ATXN7L1: variants seen among roughly 807,000 people sequenced by gnomAD.
ATXN7L1 encodes ataxin-7-like protein 1.
Under a neutral mutation model 70.8 loss-of-function variants are expected in ATXN7L1, and 15 were observed. The ratio of observed to expected loss-of-function variants is 0.21; its 90% CI spans 0.14 to 0.33. The LOEUF (loss-of-function observed/expected upper bound fraction) is 0.33. Among genes scored for constraint, ATXN7L1 ranks in the 10% least tolerant of loss-of-function variants. The pLI is 1.00. For missense variants in ATXN7L1, 975 were observed against 1,097.1 expected (o/e 0.89, Z 1.57); for synonymous variants, 440 against 445.1 (o/e 0.99, Z 0.14).
intron 10 of ATXN7L1, among the ~76,000 whole-genome samples, chr7:105,612,655 C>T (rs1213026584): frequency 6.6e-6 from 1 of 152,158 alleles, no homozygotes; most frequent in African/African-American, 2.4e-5. Flanking sequence ...GAACAGTGCC[C>T]TCAGCTCGAG....
At chr7:105,874,066 A>G (rs1388921659) in intron 2 of ATXN7L1, among the ~76,000 whole-genome samples, 1 of 149,094 alleles carries the variant, frequency 6.7e-6, no homozygotes, top group East Asian at 2.0e-4. Flanking sequence ...CGGAGGTTGC[A>G]GTGAGCCAAG....
chr7:105,684,440 C>G (rs1006995040), intron 3 of ATXN7L1, among the ~76,000 whole-genome samples: 1 of 152,202 alleles, frequency 6.6e-6, no homozygotes, highest in African/African-American at 2.4e-5. Flanking sequence ...TGGGGTCTGA[C>G]CAGCTCCTAC....
At chr7:105,812,101 C>T (rs1465067113) in intron 2 of ATXN7L1, among the ~76,000 whole-genome samples, 1 of 152,208 alleles carries the variant, frequency 6.6e-6, no homozygotes, top group Non-Finnish European at 1.5e-5. Context: ...TCTCAAGCCC[C>T]CCTGGATGCT....
At chr7:105,763,489 G>T (rs528927373) in intron 3 of ATXN7L1, among the ~76,000 whole-genome samples, 1 of 152,206 alleles carries the variant, frequency 6.6e-6, no homozygotes, top group Non-Finnish European at 1.5e-5. Flanking sequence ...GCTGCCTCTT[G>T]TTTTTAAACC....
chr7:105,843,449 A>G (rs1467293833), intron 2 of ATXN7L1, among the ~76,000 whole-genome samples: 1 of 152,258 alleles, frequency 6.6e-6, no homozygotes, highest in Non-Finnish European at 1.5e-5. Context: ...AAGTGAGCGG[A>G]TGGCCCCAAA....
At chr7:105,641,594 C>T (rs536876496) in intron 5 of ATXN7L1, among the ~76,000 whole-genome samples, 4 of 152,382 alleles carry the variant, frequency 2.6e-5, no homozygotes, top group African/African-American at 7.2e-5. Context: ...GAGGAGCCCT[C>T]GGCCTCCAGC....
intron 3 of ATXN7L1, among the ~76,000 whole-genome samples, chr7:105,703,990 T>C (rs1456809842): frequency 6.6e-6 from 1 of 152,164 alleles, no homozygotes; most frequent in Non-Finnish European, 1.5e-5. Flanking sequence ...TTCATTCACA[T>C]GGTATTCACA....
chr7:105,857,687 T>C (rs928640167), intron 2 of ATXN7L1, among the ~76,000 whole-genome samples: 2 of 152,212 alleles, frequency 1.3e-5, no homozygotes, highest in Non-Finnish European at 2.9e-5. Context: ...AGAGGGTCAC[T>C]TGACTGTGTG....
intron 3 of ATXN7L1, 42 bp downstream of exon 3, chr7:105,788,562 C>T (rs748829901): frequency 3.7e-5 from 55 of 1,487,240 alleles, no homozygotes; most frequent in South Asian, 9.0e-5. Flanking sequence ...GTCCCCAGGG[C>T]GGCAGCTGCA....
At position 105,644,202 on chromosome 7, in the gene ATXN7L1, G is replaced by A. The variant is rs191630361; in HGVS notation, c.579-1081C>T. Among the ~76,000 whole-genome samples the A allele has an allele frequency of 4.6e-5, 7 of 152,266 alleles. No homozygotes were observed. In the East Asian group the frequency reaches 1.4e-3, roughly 29 times the overall value. On this transcript the variant is annotated intron_variant, in intron 4 of 11. Transcript: ENST00000419735. ...GAAAAGAATCTTATCTGTCCACATG[G>A]CTGGCTGGCTGGCTCTCCTTTCTCT...
intron 11 of ATXN7L1, among the ~76,000 whole-genome samples, chr7:105,608,959 GGTCCTCCCTA>G (rs927518565): frequency 2.0e-5 from 3 of 151,918 alleles, no homozygotes; most frequent in African/African-American, 7.3e-5. Context: ...AATCCTTCCT[GGTCCTCCCTA>G]GACACATATG....
chr7:105,638,314 C>G (rs977469520), intron 7 of ATXN7L1, 39 bp downstream of exon 7: 21 of 1,527,378 alleles, frequency 1.4e-5, no homozygotes, highest in Admixed American at 2.0e-5. Context: ...AGTCACTTGA[C>G]CAAGCATTCA....
At chr7:105,813,013 A>AAAACC (rs1190100903) in intron 2 of ATXN7L1, among the ~76,000 whole-genome samples, 13 of 152,282 alleles carry the variant, frequency 8.5e-5, no homozygotes, top group East Asian at 5.8e-4. Context: ...AAAACAAGAC[A>AAAACC]AAACCAAACC....
At chr7:105,613,471 C>T in intron 10 of ATXN7L1, 1 of 1,090,708 alleles carries the variant, frequency 9.2e-7, no homozygotes, top group South Asian at 2.8e-5. Context: ...CAGATCAAAC[C>T]TCTTAGCAAC....
chr7:105,734,404 C>A (rs1458183838), intron 3 of ATXN7L1, among the ~76,000 whole-genome samples: 1 of 152,240 alleles, frequency 6.6e-6, no homozygotes, highest in Non-Finnish European at 1.5e-5. Context: ...GCAGCTGCTG[C>A]AGCTGGCGAG....
At chr7:105,807,176 T>G (rs1807740266) in intron 2 of ATXN7L1, among the ~76,000 whole-genome samples, 1 of 152,180 alleles carries the variant, frequency 6.6e-6, no homozygotes, top group Non-Finnish European at 1.5e-5. Context: ...CATTGGGTGC[T>G]GACCACATGC....
At chr7:105,732,655 T>C (rs1796708446) in intron 3 of ATXN7L1, among the ~76,000 whole-genome samples, 1 of 152,196 alleles carries the variant, frequency 6.6e-6, no homozygotes, top group Non-Finnish European at 1.5e-5. Flanking sequence ...GGTGCCTATG[T>C]TGGCAGGGGT....
chr7:105,793,130 T>C (rs1036673685), intron 2 of ATXN7L1, among the ~76,000 whole-genome samples: 5 of 152,206 alleles, frequency 3.3e-5, no homozygotes, highest in Admixed American at 6.5e-5. Flanking sequence ...CAACATCCCA[T>C]TTCACAGATA....
intron 4 of ATXN7L1, among the ~76,000 whole-genome samples, chr7:105,656,370 T>C (rs1018997343): frequency 2.0e-5 from 3 of 152,158 alleles, no homozygotes; most frequent in Admixed American, 2.0e-4. Context: ...ATGTCAACAC[T>C]GTGAGATGGT....
Sources: gnomAD v4.1 joint callset for allele counts (sites outside exome capture counted in the v4.1 genomes callset) on GRCh38, gnomAD v4.1.1 for gene constraint, MANE v1.5 for transcripts, NCBI Gene and HGNC (gene_info 2026-07-23, HGNC 2026-07-21) for gene names.